The following RUNX3 variants were observed in gnomAD, a reference collection of about 807,000 sequenced individuals.
The protein encoded by RUNX3 is RUNX family transcription factor 3.
A neutral mutation model predicts 27.7 loss-of-function variants in RUNX3; 10 were observed. That is an observed-to-expected ratio of 0.36 (90% CI 0.22 to 0.61). The LOEUF is 0.61. Among genes scored for constraint, RUNX3 ranks in the 20% least tolerant of loss-of-function variants. The pLI, the probability that RUNX3 is intolerant of heterozygous loss-of-function variation, is 0.72. For missense variants in RUNX3, 469 were observed against 629.5 expected (o/e 0.75, Z 2.73); for synonymous variants, 270 against 269.2 (o/e 1.00, Z -0.03).
At chr1:24,925,316 C>T (rs1641077924) in intron 2 of RUNX3, among the ~76,000 whole-genome samples, 1 of 151,916 alleles carries the variant, frequency 6.6e-6, no homozygotes, top group African/African-American at 2.4e-5. Flanking sequence ...CTGGGTTTCC[C>T]CCACCCCCGC....
chr1:24,902,289 G>T lies in RUNX3; in HGVS notation c.1081C>A (p.Leu361Met), dbSNP rs776694037. 1.2e-6 allele frequency: 2 copies of T among 1,600,998 alleles called. No homozygotes were observed. The highest frequency in any genetic ancestry group is 1.7e-6 in the Non-Finnish European group (2 of 1,175,786). ...SGGDRSPTRM[L>M]ASCTSSAASV... ...GCAGCGCTGCTGGTGCAAGAGGCCAGCATGCGGGTAGGTGAGCGGTCGCCC... is the reference window on the plus strand; with the variant it reads ...GCAGCGCTGCTGGTGCAAGAGGCCATCATGCGGGTAGGTGAGCGGTCGCCC... The change falls in exon 5 of 5, where the codon CTG becomes ATG. Residue 361 changes from leucine (L) to methionine (M), a missense_variant. Leu to Met is a conservative substitution (Grantham distance 15, BLOSUM62 2). Coordinates refer to ENST00000308873, the MANE Select transcript of RUNX3 (RefSeq NM_004350.3). This position sits in a 1 kb window ranked among gnomAD's most constrained non-coding sequence, Gnocchi z 9.2.
At chr1:24,911,687 A>G (rs1640799243) in intron 3 of RUNX3, among the ~76,000 whole-genome samples, 1 of 152,220 alleles carries the variant, frequency 6.6e-6, no homozygotes, top group Non-Finnish European at 1.5e-5. Context: ...CCTGAGCAGC[A>G]AGGCAGGATT....
At chr1:24,905,384 C>T (rs150606885) in intron 4 of RUNX3, among the ~76,000 whole-genome samples, 2 of 152,340 alleles carry the variant, frequency 1.3e-5, no homozygotes, top group East Asian at 3.9e-4. Context: ...AGTTCATGCT[C>T]GCCCTGTCCT....
Position 24,902,211 on chromosome 1 carries a change from C to T in RUNX3, c.1159G>A (p.Gly387Ser). 1 of 1,571,432 alleles carries T rather than the reference C, an allele frequency of 6.4e-7. No individual in the cohort carries two copies. The change falls in exon 5 of 5, where the codon GGC becomes AGC. Residue 387 changes from glycine to serine, a missense_variant. By Grantham distance (56) the Gly-to-Ser change is moderately conservative. Coordinates refer to ENST00000308873, the MANE Select transcript of RUNX3 (RefSeq NM_004350.3). The surrounding 1 kb of genome is among the most constrained non-coding windows in gnomAD (Gnocchi z 9.2). Reference protein sequence around the residue: ...MNPSLGGQSDGVEADGSHSNS... With the variant: ...MNPSLGGQSDSVEADGSHSNS... ...CTGTGGCTGCCGTCGGCCTCCACGCCATCACTCTGGCCGCCCAGGCTGGGG... is the reference window on the plus strand; with the variant it reads ...CTGTGGCTGCCGTCGGCCTCCACGCTATCACTCTGGCCGCCCAGGCTGGGG...
chr1:24,914,939 C>A (rs1436042511), intron 3 of RUNX3, among the ~76,000 whole-genome samples: 1 of 152,202 alleles, frequency 6.6e-6, no homozygotes, highest in Admixed American at 6.5e-5. Context: ...ATCCCTTGCA[C>A]GCTCCACTCC....
intron 3 of RUNX3, among the ~76,000 whole-genome samples, chr1:24,908,466 C>T (rs939661997): frequency 2.6e-5 from 4 of 151,490 alleles, no homozygotes. Context: ...GGGCAACTAT[C>T]GAGACCCCTG....
chr1:24,908,596 G>A (rs1285282441), intron 3 of RUNX3, among the ~76,000 whole-genome samples: 1 of 152,208 alleles, frequency 6.6e-6, no homozygotes, highest in Admixed American at 6.5e-5. Flanking sequence ...AGCCCAGGAG[G>A]TGGAGGCTGC....
rs962112942 is a variant in RUNX3, at chr1:24,902,905, C to CT, written c.704-240_704-239insA. ...GCCAAGAGGGGCCATGGGAGCCCCC[C>CT]CACAGCAGCAACAGAACAGAGGAGG... On this transcript the variant is annotated intron_variant, in intron 4 of 4. Transcript: ENST00000308873. This position sits in a 1 kb window ranked among gnomAD's most constrained non-coding sequence, Gnocchi z 9.2. Among the ~76,000 whole-genome samples the CT allele has an allele frequency of 6.6e-6, 1 of 152,190 alleles. No homozygotes were observed. The highest frequency in any genetic ancestry group is 2.4e-5 in the African/African-American group (1 of 41,450).
At chr1:24,915,487 T>C (rs759381320) in intron 3 of RUNX3, among the ~76,000 whole-genome samples, 17 of 152,072 alleles carry the variant, frequency 1.1e-4, no homozygotes, top group Non-Finnish European at 2.1e-4. Context: ...TCGGACTAGA[T>C]AGCACCTTAG....
chr1:24,910,288 C>CAAAAAA (rs745858311), intron 3 of RUNX3, among the ~76,000 whole-genome samples: 1 of 81,412 alleles, frequency 1.2e-5, no homozygotes. Context: ...GATTCCATCT[C>CAAAAAA]AAAAAAAAAA....
intron 2 of RUNX3, among the ~76,000 whole-genome samples, chr1:24,956,196 C>G (rs992348529): frequency 6.6e-6 from 1 of 152,224 alleles, no homozygotes; most frequent in African/African-American, 2.4e-5. Flanking sequence ...GGGAGCAGGC[C>G]GTTCCCAGGC....
At chr1:24,954,382 T>A (rs763397731) in intron 2 of RUNX3, among the ~76,000 whole-genome samples, 3 of 152,194 alleles carry the variant, frequency 2.0e-5, no homozygotes, top group Admixed American at 6.5e-5. Flanking sequence ...GCTTCACTTA[T>A]TATTATTTTA....
At chr1:24,909,609 T>C (rs1307278030) in intron 3 of RUNX3, among the ~76,000 whole-genome samples, 1 of 152,230 alleles carries the variant, frequency 6.6e-6, no homozygotes, top group East Asian at 1.9e-4. Flanking sequence ...CCCTCTTTCC[T>C]GCTGGCCACT....
chr1:24,926,028 GGA>G (rs1315486365), intron 2 of RUNX3, among the ~76,000 whole-genome samples: 6 of 152,192 alleles, frequency 3.9e-5, no homozygotes, highest in African/African-American at 2.4e-5. Context: ...TCGCTTCCCA[GGA>G]GAGAGAGTGG....
At chr1:24,945,456 A>C (rs752699263) in intron 2 of RUNX3, among the ~76,000 whole-genome samples, 1 of 152,206 alleles carries the variant, frequency 6.6e-6, no homozygotes, top group Non-Finnish European at 1.5e-5. Context: ...AAATGATAAA[A>C]GCAGACAGTT....
intron 3 of RUNX3, among the ~76,000 whole-genome samples, chr1:24,911,830 T>A (rs1640802645): frequency 6.6e-6 from 1 of 152,220 alleles, no homozygotes; most frequent in African/African-American, 2.4e-5. Context: ...GGACCCAGGC[T>A]GTGGGTCAGG....
chr1:24,940,048 C>T (rs1350126916), intron 2 of RUNX3, among the ~76,000 whole-genome samples: 6 of 152,242 alleles, frequency 3.9e-5, no homozygotes, highest in African/African-American at 1.2e-4. Context: ...CAACTGGAGA[C>T]TTTGCCCTGG....
At chr1:24,908,129 TCTATGACACGCGGTGATCC>T in intron 3 of RUNX3, among the ~76,000 whole-genome samples, 1 of 143,086 alleles carries the variant, frequency 7.0e-6, no homozygotes, top group Non-Finnish European at 1.5e-5. Context: ...GATCCAAACC[TCTATGACACGCGGTGATCC>T]GAACCTCTAC....
chr1:24,946,657 G>A (rs1486951669), intron 2 of RUNX3, among the ~76,000 whole-genome samples: 3 of 152,256 alleles, frequency 2.0e-5, no homozygotes, highest in East Asian at 1.9e-4. Flanking sequence ...AACACCCTGC[G>A]TGGATGTCTT....
Sources: gnomAD v4.1 joint callset for allele counts (sites outside exome capture counted in the v4.1 genomes callset) on GRCh38, gnomAD v4.1.1 for gene constraint, Gnocchi (gnomAD v3.1) non-coding constraint, MANE v1.5 for transcripts, NCBI Gene and HGNC (gene_info 2026-07-23, HGNC 2026-07-21) for gene names.